The following HSPG2 variants were observed in gnomAD, a reference collection of about 807,000 sequenced individuals.
HSPG2 encodes heparan sulfate proteoglycan 2, also known as basement membrane-specific heparan sulfate proteoglycan core protein.
Under a neutral mutation model 526.6 loss-of-function variants are expected in HSPG2, and 278 were observed. The observed-to-expected ratio is 0.53, with a 90% CI of 0.48 to 0.58. The LOEUF (loss-of-function observed/expected upper bound fraction) is 0.58, where lower values mean the gene tolerates loss of function less well. Ranked by LOEUF, HSPG2 falls within the 20% of genes least tolerant of loss-of-function variation. The probability of loss-of-function intolerance (pLI) is 0.00; values close to 1 mark genes in which losing one functional copy is unlikely to be tolerated. For synonymous variants in HSPG2, 2,465 were observed against 2,555.4 expected (o/e 0.96, Z 1.07); for missense variants, 5,354 against 6,099.5 (o/e 0.88, Z 4.07).
In HSPG2 at chr1:21,881,334, C is replaced by T. The variant is rs1448750208; in HGVS notation, c.1818+5G>A. The T allele has an allele frequency of 6.2e-7, 1 of 1,613,538 alleles. No individual in the cohort carries two copies. The highest frequency in any genetic ancestry group is 8.5e-7 in the Non-Finnish European group (1 of 1,179,672). On this transcript the variant is annotated splice_donor_5th_base_variant and intron_variant, in intron 14 of 96. Transcript: ENST00000374695. ...CCACCCAGGGTGGCAGCCCAGGCCC[C>T]TCACCTTGTTGCCCAGGAACTGTTC...
intron 1 of HSPG2, among the ~76,000 whole-genome samples, chr1:21,932,576 A>G (rs1280348698): frequency 6.6e-6 from 1 of 152,222 alleles, no homozygotes; most frequent in South Asian, 2.1e-4. Context: ...ACACATAAAC[A>G]AATACAGACA....
At position 21,824,600 on chromosome 1, in the gene HSPG2, G is replaced by C. The variant is rs201084549; in HGVS notation, c.12681C>G (p.Pro4227=). The C allele has an allele frequency of 5.0e-6, 8 of 1,613,882 alleles. No individual in the cohort carries two copies. The highest frequency in any genetic ancestry group is 6.8e-6 in the Non-Finnish European group (8 of 1,180,050). Residue 4227 remains proline (P), a synonymous_variant, in exon 93 of 97, where the codon CCC becomes CCG. Coordinates refer to ENST00000374695, the MANE Select transcript of HSPG2 (RefSeq NM_005529.7). The surrounding 1 kb of genome is among the most constrained non-coding windows in gnomAD (Gnocchi z 5.9). ...HVFSRSLPEV[P]ETIELEVRTS... ...TCCGAACCTCCAGCTCGATGGTCTC[G>C]GGCACCTCGGGCAGGCTGCGGAGGA...
At position 21,851,773 on chromosome 1, in the gene HSPG2, C is replaced by G; in HGVS notation, c.7006+18G>C. The G allele has an allele frequency of 1.9e-6, 3 of 1,614,028 alleles. No individual in the cohort carries two copies. Among genetic ancestry groups the G allele is most frequent in the Admixed American group, 1.7e-5 (1 of 60,036 alleles). On this transcript the variant is annotated intron_variant, in intron 54 of 96. Transcript: ENST00000374695. ...GCCTGTTCTCTGCATCCCAGCCCAG[C>G]CTGGTGGCCCCACTCACGGTAGGCT...
rs1639829399 is a variant in HSPG2 at position 21,862,023 on chromosome 1, C to T, written c.4833G>A (p.Gln1611=). The T allele has an allele frequency of 6.2e-7, 1 of 1,614,080 alleles. No individual in the cohort carries two copies. Among genetic ancestry groups the T allele is most frequent in the South Asian group, 1.1e-5 (1 of 91,092 alleles). ...DATAGTPEDC[Q]PCACPLTNPE... is the part of the protein sequence containing the mutation. Reference sequence around the variant, plus strand: ...GGTTGGTCAGTGGGCAGGCACAGGGCTGGCAGTCCTCAGGCGTCCCGGCTG... The same window carrying T: ...GGTTGGTCAGTGGGCAGGCACAGGGTTGGCAGTCCTCAGGCGTCCCGGCTG... Residue 1611 remains glutamine (Q), a synonymous_variant, in exon 38 of 97, where the codon CAG becomes CAA. Coordinates refer to ENST00000374695, the MANE Select transcript of HSPG2 (RefSeq NM_005529.7).
intron 64 of HSPG2, among the ~76,000 whole-genome samples, chr1:21,845,799 A>G (rs1350642291): frequency 6.6e-6 from 1 of 152,212 alleles, no homozygotes; most frequent in African/African-American, 2.4e-5. Context: ...CAGATAAGGG[A>G]CAGTGACAGG....
At position 21,873,068 on chromosome 1, in the gene HSPG2, T is replaced by A; in HGVS notation, c.3817A>T (p.Ile1273Leu). The A allele has an allele frequency of 6.2e-7, 1 of 1,602,160 alleles. No individual in the cohort carries two copies. Among genetic ancestry groups the A allele is most frequent in the Non-Finnish European group, 8.5e-7 (1 of 1,179,916 alleles). ...CQRDSQVPGP[I>L]GCNCDPQGSV... ...CCTTGGGGGTCACAGTTGCAGCCTA[T>A]GGGCCCTGGCACCTGGCTGTCTCCT... is the stretch of plus-strand genomic sequence containing the variant. The change falls in exon 31 of 97, where the codon ATA becomes TTA. Residue 1273 changes from isoleucine (I) to leucine (L), a missense_variant. Physicochemically the swap from Ile to Leu is conservative, Grantham distance 5 (BLOSUM62 2). Transcript: ENST00000374695.
chr1:21,851,959 C>A, intron 53 of HSPG2, 33 bp from the exon 54 acceptor site: 1 of 1,604,616 alleles, frequency 6.2e-7, no homozygotes, highest in South Asian at 1.1e-5. Flanking sequence ...GTGAGGGGGG[C>A]TTCCCGGAGG....
chr1:21,839,226 T>C lies in HSPG2; in HGVS notation c.9890-141A>G, dbSNP rs2098038960. 1 of 1,425,950 alleles carries C rather than the reference T, an allele frequency of 7.0e-7. No individual in the cohort carries two copies. Among genetic ancestry groups the C allele is most frequent in the Admixed American group, 1.8e-5 (1 of 55,148 alleles). 88.3% of individuals were successfully genotyped at this position (1,425,950 alleles called of 1,614,324 possible). A position where few individuals can be genotyped will look rare whatever the true frequency, so the allele number is the denominator to read the frequency against. On this transcript the variant is annotated intron_variant, in intron 73 of 96. Transcript: ENST00000374695. This position sits in a 1 kb window ranked among gnomAD's most constrained non-coding sequence, Gnocchi z 4.5. ...GGAAAGCAAAGGTCCCAGGCCAGGG[T>C]GTGGGTGTCGGGCAGGGCAGGCTCC...
intron 52 of HSPG2, 29 bp from the exon 53 acceptor site, chr1:21,852,262 T>C (rs748977924): frequency 1.9e-6 from 3 of 1,613,558 alleles, no homozygotes; most frequent in East Asian, 4.5e-5. Context: ...GAGTGAGAGT[T>C]GTAGATGCTC....
chr1:21,891,966 T>C (rs776313652), intron 3 of HSPG2, among the ~76,000 whole-genome samples: 29 of 152,352 alleles, frequency 1.9e-4, no homozygotes, highest in South Asian at 1.0e-3. Flanking sequence ...ATGTGATAGA[T>C]ATGAATGAAT....
intron 78 of HSPG2, 62 bp from the exon 79 acceptor site, chr1:21,833,676 C>T: frequency 6.2e-7 from 1 of 1,606,584 alleles, no homozygotes; most frequent in Non-Finnish European, 8.5e-7. Flanking sequence ...GCCCACCTCC[C>T]ATCTGTGCCT....
intron 29 of HSPG2, among the ~76,000 whole-genome samples, 190 bp from the exon 30 acceptor site, chr1:21,873,614 T>C (rs1640822573): frequency 6.6e-6 from 1 of 151,998 alleles, no homozygotes; most frequent in East Asian, 1.9e-4. Flanking sequence ...AGCCAGTGAA[T>C]TGGGGCAGGT....
In HSPG2 at chr1:21,874,541, A is replaced by G. The variant is rs1191127159; in HGVS notation, c.3529-8T>C. 1.9e-6 allele frequency: 3 copies of G among 1,613,630 alleles called. No individual in the cohort carries two copies. The highest frequency in any genetic ancestry group is 3.3e-5 in the Admixed American group (2 of 60,004). ...CGTGTGATGCTGGCAGCCCTGGAGG[A>G]GCAGGATGTGAGTTGAGGCTGGGCC... On this transcript the variant is annotated splice_region_variant and splice_polypyrimidine_tract_variant and intron_variant, in intron 27 of 96. Coordinates refer to ENST00000374695, the MANE Select transcript of HSPG2 (RefSeq NM_005529.7).
Position 21,844,171 on chromosome 1 carries a change from C to T in HSPG2, c.8593G>A (p.Gly2865Arg), listed in dbSNP as rs762332814. The T allele has an allele frequency of 6.2e-7, 1 of 1,613,510 alleles. No homozygotes were observed. The highest frequency in any genetic ancestry group is 8.5e-7 in the Non-Finnish European group (1 of 1,180,022). The change falls in exon 65 of 97, where the codon GGA (glycine) becomes AGA (arginine). Residue 2865 changes from glycine (G) to arginine (R), a missense_variant. Coordinates refer to ENST00000374695, the MANE Select transcript of HSPG2 (RefSeq NM_005529.7). ...HAQVTWHKRG[G>R]NLPARHQVHG... ...ACCTGGTGCCGGGCAGGGAGGTTTC[C>T]TCCACGCTTGTGCCACGTGACCTGG...
Position 21,875,895 on chromosome 1 carries a change from G to T in HSPG2, c.3151C>A (p.Gln1051Lys). 6.2e-7 allele frequency: 1 copy of T among 1,614,148 alleles called. No homozygotes were observed. Among genetic ancestry groups the T allele is most frequent in the Non-Finnish European group, 8.5e-7 (1 of 1,180,038 alleles). Residue 1051 changes from glutamine to lysine, a missense_variant, in exon 24 of 97, where the codon CAG becomes AAG. Gln to Lys is a moderately conservative substitution (Grantham distance 53). Coordinates refer to ENST00000374695, the MANE Select transcript of HSPG2 (RefSeq NM_005529.7). ...HHVAQEPSPG[Q>K]PSTFIVPFRE... is the part of the protein sequence containing the mutation. ...AAAGGCACAATGAAGGTGCTGGGCT[G>T]GCCGGGGCTGGGCTCCTGGGCCACA...
rs1200536429 is a variant in HSPG2, at chr1:21,855,817, C to T, written c.5671G>A (p.Gly1891Arg). The change falls in exon 45 of 97, where the codon GGG becomes AGG. Residue 1891 changes from glycine (G) to arginine (R), a missense_variant. Physicochemically the swap from Gly to Arg is moderately radical, Grantham distance 125. Coordinates refer to ENST00000374695, the MANE Select transcript of HSPG2 (RefSeq NM_005529.7). The part of the protein sequence containing the change: ...QLAEFRCSAT[G>R]SPTPTLEWTG... ...CACTCGAGGGTGGGCGTGGGGCTCC[C>T]TGTGGCGCTGCAGCGGAACTCCGCC... 1.9e-6 allele frequency: 3 copies of T among 1,613,258 alleles called. No homozygotes were observed. Among genetic ancestry groups the T allele is most frequent in the East Asian group, 2.2e-5 (1 of 44,874 alleles).
chr1:21,837,268 G>T (rs1203293572), intron 74 of HSPG2, among the ~76,000 whole-genome samples: 1 of 152,190 alleles, frequency 6.6e-6, no homozygotes, highest in Non-Finnish European at 1.5e-5. Flanking sequence ...GGCAGGCCAC[G>T]AAAAGAGTGG....
Position 21,841,303 on chromosome 1 carries a change from A to C in HSPG2, c.9329-18T>G. ...AGGGGGCCCTGTGCGGAGGAATGACAACCACTGACACACAGGCAGGGCTCT... is the reference window on the plus strand; with the variant it reads ...AGGGGGCCCTGTGCGGAGGAATGACCACCACTGACACACAGGCAGGGCTCT... On this transcript the variant is annotated intron_variant, in intron 70 of 96. Coordinates refer to ENST00000374695, the MANE Select transcript of HSPG2 (RefSeq NM_005529.7). 6.2e-7 allele frequency: 1 copy of C among 1,613,178 alleles called. No homozygotes were observed. The highest frequency in any genetic ancestry group is 8.5e-7 in the Non-Finnish European group (1 of 1,179,692).
At chr1:21,842,511 G>T in intron 67 of HSPG2, 131 bp from the exon 68 acceptor site, 1 of 1,143,446 alleles carries the variant, frequency 8.7e-7, no homozygotes, top group Non-Finnish European at 1.2e-6. Flanking sequence ...GCTGGTGGAA[G>T]CTTCATTCAC....
Sources: gnomAD v4.1 joint callset for allele counts (sites outside exome capture counted in the v4.1 genomes callset) on GRCh38, gnomAD v4.1.1 for gene constraint, Gnocchi (gnomAD v3.1) non-coding constraint, MANE v1.5 for transcripts, NCBI Gene and HGNC (gene_info 2026-07-23, HGNC 2026-07-21) for gene names.